Variants in DUSP4 observed in about 807,000 individuals in gnomAD.
DUSP4 encodes dual specificity protein phosphatase 4.
Under a neutral mutation model 27.2 loss-of-function variants are expected in DUSP4, and 12 were observed. That is an observed-to-expected ratio of 0.44 (90% CI 0.28 to 0.71). The LOEUF (loss-of-function observed/expected upper bound fraction) is 0.71. DUSP4 is among the 30% of genes least tolerant of loss of function. The pLI is 0.14. For synonymous variants in DUSP4, 257 were observed against 245.2 expected (o/e 1.05, Z -0.45); for missense variants, 448 against 551.3 (o/e 0.81, Z 1.88).
chr8:29,343,453 A>T (rs2117272332), intron 1 of DUSP4, among the ~76,000 whole-genome samples: 1 of 152,256 alleles, frequency 6.6e-6, no homozygotes, highest in Admixed American at 6.5e-5. Flanking sequence ...TCGGTGGAAG[A>T]AGCTGCTCAA....
Position 29,337,628 on chromosome 8 carries a change from C to T in DUSP4, c.800-217G>A, listed in dbSNP as rs1817598635. The stretch of plus-strand genomic sequence containing the variant: ...ATCACTATGCTGAAGCTGGTTAAAT[C>T]CTATTATCTGTTCAAGGATTTCCCT... On this transcript the variant is annotated intron_variant, in intron 3 of 3. Transcript: ENST00000240100. This position sits in a 1 kb window ranked among gnomAD's most constrained non-coding sequence, Gnocchi z 6.4. 6.6e-6 allele frequency among the ~76,000 whole-genome samples: 1 copy of T among 152,168 alleles called. No homozygotes were observed. The highest frequency in any genetic ancestry group is 2.4e-5 in the African/African-American group (1 of 41,420).
In DUSP4 at chr8:29,333,841, T is replaced by A. The variant is rs957009627; in HGVS notation, c.*3185A>T. ...ACTACAGGCTTGGTTGATGGCCAATTCCCAATCTCCAGCCTCTTCCTGTCA... is the reference window on the plus strand; with the variant it reads ...ACTACAGGCTTGGTTGATGGCCAATACCCAATCTCCAGCCTCTTCCTGTCA... On this transcript the variant is annotated 3_prime_UTR_variant, in exon 4 of 4. Coordinates refer to ENST00000240100, the MANE Select transcript of DUSP4 (RefSeq NM_001394.7). 2.0e-5 allele frequency: 3 copies of A among 152,272 alleles called. No homozygotes were observed. The highest frequency in any genetic ancestry group is 7.2e-5 in the African/African-American group (3 of 41,458). 9.4% of individuals were successfully genotyped at this position (152,272 alleles called of 1,614,324 possible).
In DUSP4 at chr8:29,335,045, T is replaced by C. The variant is rs1208454842; in HGVS notation, c.*1981A>G. On this transcript the variant is annotated 3_prime_UTR_variant, in exon 4 of 4. Transcript: ENST00000240100. ...TGACATTGAGGCTTGACGTTATTTA[T>C]GGGTGAGCAAGAATGTTCATTAGAT... The C allele has an allele frequency of 2.0e-5, 3 of 152,158 alleles. No individual in the cohort carries two copies. Among genetic ancestry groups the C allele is most frequent in the Admixed American group, 6.5e-5 (1 of 15,284 alleles). 9.4% of individuals were successfully genotyped at this position (152,158 alleles called of 1,614,324 possible).
At chr8:29,341,207 G>A (rs572923725) in intron 1 of DUSP4, among the ~76,000 whole-genome samples, 1 of 152,248 alleles carries the variant, frequency 6.6e-6, no homozygotes, top group East Asian at 1.9e-4. Flanking sequence ...GATTCAGTAG[G>A]GCCTGTGCGT....
intron 1 of DUSP4, among the ~76,000 whole-genome samples, chr8:29,341,300 G>A (rs956453590): frequency 2.6e-5 from 4 of 152,146 alleles, no homozygotes; most frequent in African/African-American, 7.2e-5. Flanking sequence ...CTACCTTTGC[G>A]GTCTTCATGA....
rs755206848 is a variant in DUSP4 at position 29,337,392 on chromosome 8, A to G, written c.819T>C (p.Arg273=). The G allele has an allele frequency of 1.2e-6, 2 of 1,606,944 alleles. No homozygotes were observed. Among genetic ancestry groups the G allele is most frequent in the East Asian group, 4.5e-5 (2 of 44,868 alleles). The change falls in exon 4 of 4, where the codon CGT becomes CGC. Residue 273 remains arginine (R), a synonymous_variant. Transcript: ENST00000240100. The surrounding 1 kb of genome is among the most constrained non-coding windows in gnomAD (Gnocchi z 6.4). ...IEYIDAVKDC[R]GRVLVHCQAG... ...CCTGGCAGTGCACCAGCACGCGCCC[A>G]CGGCAGTCCTTCACGGCATCTGGGG...
chr8:29,347,532 C>A (rs551215055), intron 1 of DUSP4, among the ~76,000 whole-genome samples: 12 of 152,352 alleles, frequency 7.9e-5, no homozygotes, highest in African/African-American at 2.9e-4. Context: ...CTTCCAAGGG[C>A]AGGCTCCCTT....
intron 1 of DUSP4, among the ~76,000 whole-genome samples, chr8:29,342,830 GA>G (rs1370370741): frequency 6.6e-6 from 1 of 152,198 alleles, no homozygotes; most frequent in Non-Finnish European, 1.5e-5. Context: ...AATGATTACA[GA>G]AAAGTCAGTT....
In DUSP4 at chr8:29,337,525, G is replaced by T; in HGVS notation, c.800-114C>A. 7.0e-7 allele frequency: 1 copy of T among 1,420,552 alleles called. No individual in the cohort carries two copies. The highest frequency in any genetic ancestry group is 9.4e-7 in the Non-Finnish European group (1 of 1,069,192). 88.0% of individuals were successfully genotyped at this position (1,420,552 alleles called of 1,614,324 possible). A position where few individuals can be genotyped will look rare whatever the true frequency, so the allele number is the denominator to read the frequency against. ...TCTGAAGGAAGGACTAGCCGTGCTA[G>T]ACCAAGGACTGGAGAGGAAGAAAAC... On this transcript the variant is annotated intron_variant, in intron 3 of 3. Transcript: ENST00000240100. This position sits in a 1 kb window ranked among gnomAD's most constrained non-coding sequence, Gnocchi z 6.4.
intron 1 of DUSP4, chr8:29,347,926 G>A (rs1196006893): frequency 2.0e-6 from 2 of 985,378 alleles, no homozygotes; most frequent in South Asian, 9.4e-5. Flanking sequence ...GAAATGCCGC[G>A]CGCCCTGGGG....
In DUSP4 at chr8:29,350,404, C is replaced by T. The variant is rs1817806509; in HGVS notation, c.-126G>A. On this transcript the variant is annotated 5_prime_UTR_variant, in exon 1 of 4. Transcript: ENST00000240100. ...TGCAGAAGTGGCCGCAAACTTGGTC[C>T]TCAAGGGCTCCCGCGGGAGAGCCTC... 4 of 1,140,176 alleles carry T rather than the reference C, an allele frequency of 3.5e-6. No homozygotes were observed. The East Asian group carries it at 1.1e-4, about 30-fold the overall frequency. The allele number at this position is 1,140,176 out of a possible 1,614,324, so 70.6% of individuals were successfully genotyped here.
chr8:29,347,216 C>G (rs1045102871), intron 1 of DUSP4, among the ~76,000 whole-genome samples: 2 of 152,226 alleles, frequency 1.3e-5, no homozygotes, highest in African/African-American at 4.8e-5. Flanking sequence ...TGCTCCACTG[C>G]ACTGGCTTCC....
intron 1 of DUSP4, among the ~76,000 whole-genome samples, chr8:29,343,826 A>G (rs1817688927): frequency 6.6e-6 from 1 of 152,202 alleles, no homozygotes. Flanking sequence ...CCTGGGTCAC[A>G]ATATAAATTA....
chr8:29,345,591 A>G (rs1817720964), intron 1 of DUSP4: 2 of 1,504,714 alleles, frequency 1.3e-6, no homozygotes, highest in Non-Finnish European at 1.8e-6. Context: ...CTCTGGTTTC[A>G]GATGTTCTGA....
chr8:29,349,166 A>G (rs1257474743), intron 1 of DUSP4, among the ~76,000 whole-genome samples: 1 of 152,222 alleles, frequency 6.6e-6, no homozygotes, highest in Non-Finnish European at 1.5e-5. Flanking sequence ...CAGGCGCTAG[A>G]GGACCGGTTC....
At chr8:29,338,797 G>A (rs565943114) in intron 2 of DUSP4, among the ~76,000 whole-genome samples, 6 of 152,292 alleles carry the variant, frequency 3.9e-5, no homozygotes, top group Non-Finnish European at 7.4e-5. Context: ...GGACAATGCC[G>A]GCCTTATGGC....
At chr8:29,340,335 T>G (rs1417461998) in intron 1 of DUSP4, 92 bp from the exon 2 acceptor site, 7 of 1,472,366 alleles carry the variant, frequency 4.8e-6, no homozygotes, top group African/African-American at 1.4e-5. Flanking sequence ...GGCGGACTGC[T>G]AGGAAGGCAG....
chr8:29,346,832 G>A (rs1817743462), intron 1 of DUSP4, among the ~76,000 whole-genome samples: 2 of 152,172 alleles, frequency 1.3e-5, no homozygotes, highest in Non-Finnish European at 2.9e-5. Context: ...GGCAGAAATA[G>A]AAAAACTGAA....
intron 1 of DUSP4, among the ~76,000 whole-genome samples, chr8:29,341,106 C>T (rs537212853): frequency 1.2e-3 from 182 of 152,238 alleles, no homozygotes; most frequent in African/African-American, 4.2e-3. Context: ...CTTCCTTTTG[C>T]GGCCAACTTC....
Sources: allele counts gnomAD v4.1 joint callset (sites outside exome capture counted in the v4.1 genomes callset), GRCh38; gene constraint gnomAD v4.1.1; non-coding constraint Gnocchi (gnomAD v3.1); transcripts MANE v1.5; gene names NCBI Gene and HGNC (gene_info 2026-07-23, HGNC 2026-07-21).